Variants in PCDH9 observed in about 807,000 individuals in gnomAD.
The protein encoded by PCDH9 is protocadherin-9.
In PCDH9, 24 loss-of-function variants were observed where a neutral mutation model predicts 70.6. The ratio of observed to expected loss-of-function variants is 0.34; its 90% CI spans 0.25 to 0.48. PCDH9 has a LOEUF of 0.48. Ranked by LOEUF, PCDH9 falls within the 20% of genes least tolerant of loss-of-function variation. The pLI, the probability that PCDH9 is intolerant of heterozygous loss-of-function variation, is 0.99. For missense variants in PCDH9, 1,281 were observed against 1,503.6 expected (o/e 0.85, Z 2.45); for synonymous variants, 562 against 558.5 (o/e 1.01, Z -0.09).
intron 3 of PCDH9, among the ~76,000 whole-genome samples, chr13:66,773,517 G>A (rs1263263173): frequency 6.6e-6 from 1 of 151,418 alleles, no homozygotes; most frequent in Non-Finnish European, 1.5e-5. Flanking sequence ...TGTAGTCCCA[G>A]CTTCTCGGAG....
At chr13:66,528,113 T>C (rs1179287261) in intron 4 of PCDH9, among the ~76,000 whole-genome samples, 2 of 152,178 alleles carry the variant, frequency 1.3e-5, no homozygotes, top group African/African-American at 4.8e-5. Flanking sequence ...AATAAATAGC[T>C]TTTTCTTTTC....
At chr13:67,223,918 T>C (rs779068787) in intron 2 of PCDH9, 4 of 152,166 alleles carry the variant, frequency 2.6e-5, no homozygotes, top group Non-Finnish European at 5.9e-5. Flanking sequence ...TCTGGGAGTA[T>C]CTGTATGACT....
chr13:66,465,829 G>A (rs1420076291), intron 4 of PCDH9, among the ~76,000 whole-genome samples: 1 of 151,722 alleles, frequency 6.6e-6, no homozygotes, highest in Non-Finnish European at 1.5e-5. Flanking sequence ...CCAATAAAAT[G>A]TTTTATTAAA....
intron 4 of PCDH9, among the ~76,000 whole-genome samples, chr13:66,391,883 C>T (rs9540735): frequency 7.0e-6 from 1 of 143,258 alleles, no homozygotes; most frequent in Non-Finnish European, 1.5e-5. Flanking sequence ...GCCATATATG[C>T]ATATATATAT....
intron 4 of PCDH9, among the ~76,000 whole-genome samples, chr13:66,532,348 C>A (rs1289307712): frequency 1.3e-5 from 2 of 151,878 alleles, no homozygotes; most frequent in African/African-American, 4.8e-5. Context: ...TTAAACGTTC[C>A]CCATGGGTGA....
chr13:66,432,109 A>G (rs1244838038), intron 4 of PCDH9, among the ~76,000 whole-genome samples: 1 of 152,002 alleles, frequency 6.6e-6, no homozygotes, highest in Non-Finnish European at 1.5e-5. Flanking sequence ...GGTATATTTA[A>G]ACATGTACTT....
At chr13:66,856,680 C>T (rs940409801) in intron 3 of PCDH9, among the ~76,000 whole-genome samples, 9 of 151,888 alleles carry the variant, frequency 5.9e-5, no homozygotes, top group African/African-American at 2.2e-4. Context: ...AATTAGTAGG[C>T]GATGTAAGCC....
chr13:66,555,117 C>T (rs913561444), intron 4 of PCDH9, among the ~76,000 whole-genome samples: 2 of 144,026 alleles, frequency 1.4e-5, no homozygotes, highest in African/African-American at 2.5e-5. Context: ...TGCAGTGTGC[C>T]AAGAACACGC....
At chr13:66,461,803 A>C (rs989581215) in intron 4 of PCDH9, among the ~76,000 whole-genome samples, 2 of 151,904 alleles carry the variant, frequency 1.3e-5, no homozygotes, top group African/African-American at 4.8e-5. Flanking sequence ...AATCGTGAAG[A>C]AAAATAGAAT....
At chr13:66,965,594 A>G (rs2083421159) in intron 2 of PCDH9, among the ~76,000 whole-genome samples, 1 of 151,974 alleles carries the variant, frequency 6.6e-6, no homozygotes, top group Admixed American at 6.6e-5. Context: ...TTTATATTAA[A>G]TTGTTTTTTT....
At chr13:66,637,282 G>T (rs556915848) in intron 3 of PCDH9, among the ~76,000 whole-genome samples, 4 of 152,164 alleles carry the variant, frequency 2.6e-5, no homozygotes, top group African/African-American at 9.6e-5. Context: ...TCGACTTAAG[G>T]GTAACAAATA....
chr13:66,425,255 G>A (rs1227422196), intron 4 of PCDH9, among the ~76,000 whole-genome samples: 1 of 151,642 alleles, frequency 6.6e-6, no homozygotes, highest in East Asian at 1.9e-4. Context: ...GGTAAAGACT[G>A]CAAAGCTTTG....
chr13:66,700,949 T>C (rs1216425322), intron 3 of PCDH9, among the ~76,000 whole-genome samples: 15 of 133,814 alleles, frequency 1.1e-4, no homozygotes, highest in Middle Eastern at 3.9e-3. Flanking sequence ...TATATATATA[T>C]ATATATATAT....
At chr13:66,379,909 G>C (rs980302900) in intron 4 of PCDH9, among the ~76,000 whole-genome samples, 1 of 151,828 alleles carries the variant, frequency 6.6e-6, no homozygotes, top group African/African-American at 2.4e-5. Context: ...AACTAGTTGG[G>C]GCAAATGGCC....
At chr13:66,626,237 T>C (rs1290724532) in intron 4 of PCDH9, among the ~76,000 whole-genome samples, 1 of 152,194 alleles carries the variant, frequency 6.6e-6, no homozygotes, top group African/African-American at 2.4e-5. Flanking sequence ...GGATAGATTC[T>C]GTGCCATGTT....
chr13:67,225,892 C>T lies in PCDH9; in HGVS notation c.2549G>A (p.Ser850Asn), dbSNP rs201726103. The T allele has an allele frequency of 1.4e-4, 220 of 1,613,990 alleles. No individual in the cohort carries two copies. Among genetic ancestry groups the T allele is most frequent in the Non-Finnish European group, 1.7e-4 (202 of 1,180,036 alleles). ...HASRFKAAQR[S>N]KQGAEWMSPN... ...GGACATCCATTCGGCACCTTGCTTG[C>T]TCCTCTGAGCTGCTTTGAACCTTGA... The change falls in exon 2 of 5, where the codon AGC becomes AAC. Residue 850 changes from serine (S) to asparagine (N), a missense_variant. Transcript: ENST00000377865.
At chr13:66,636,620 T>G (rs1037896187) in intron 3 of PCDH9, among the ~76,000 whole-genome samples, 1 of 152,162 alleles carries the variant, frequency 6.6e-6, no homozygotes. Context: ...TATGATTTTA[T>G]GTATAGAGAA....
At chr13:66,661,723 A>G (rs1367789163) in intron 3 of PCDH9, among the ~76,000 whole-genome samples, 1 of 152,238 alleles carries the variant, frequency 6.6e-6, no homozygotes, top group African/African-American at 2.4e-5. Flanking sequence ...TGACACAGGA[A>G]GACAAAGCTT....
At position 67,212,690 on chromosome 13, in the gene PCDH9, T is replaced by C. The variant is rs181994901; in HGVS notation, c.3036+12715A>G. On this transcript the variant is annotated intron_variant, in intron 2 of 4. Coordinates refer to ENST00000377865, the MANE Select transcript of PCDH9 (RefSeq NM_203487.3). Reference sequence around the variant, plus strand: ...AAGCATTGGTATCCATTAGGGAAAATAGAATATCGTTCAGTAGTCTAGTGA... The same window carrying C: ...AAGCATTGGTATCCATTAGGGAAAACAGAATATCGTTCAGTAGTCTAGTGA... 5.3e-5 allele frequency: 8 copies of C among 152,184 alleles called. No homozygotes were observed. In the South Asian group the frequency reaches 8.3e-4, roughly 16 times the overall value. 9.4% of individuals were successfully genotyped at this position (152,184 alleles called of 1,614,324 possible).
Sources: allele counts gnomAD v4.1 joint callset (sites outside exome capture counted in the v4.1 genomes callset), GRCh38; gene constraint gnomAD v4.1.1; transcripts MANE v1.5; gene names NCBI Gene and HGNC (gene_info 2026-07-23, HGNC 2026-07-21).